VPS52: variants seen among roughly 807,000 people sequenced by gnomAD.
The protein encoded by VPS52 is VPS52 subunit of GARP complex.
In VPS52, 56 loss-of-function variants were observed where a neutral mutation model predicts 98.7. That is an observed-to-expected ratio of 0.57 (90% CI 0.46 to 0.71). VPS52 has a LOEUF of 0.71. Among genes scored for constraint, VPS52 ranks in the 30% least tolerant of loss-of-function variants. The pLI is 0.00. For synonymous variants in VPS52, 348 were observed against 346.4 expected, an observed-to-expected ratio of 1.00 and a Z score of -0.05; for missense variants, 742 against 925.9, an observed-to-expected ratio of 0.80 and a Z score of 2.58.
At chr6:33,265,682 C>T (rs1302278884) in intron 12 of VPS52, among the ~76,000 whole-genome samples, 1 of 150,824 alleles carries the variant, frequency 6.6e-6, no homozygotes, top group Non-Finnish European at 1.5e-5. Context: ...ACACCAGGAT[C>T]TATGATCACA....
chr6:33,271,823 T>C lies in VPS52; in HGVS notation c.-148A>G. ...TTGACTCCAGCTGTCCCCTTTCAGC[T>C]CTAACCACTTCACCCAACTGCAAAT... On this transcript the variant is annotated 5_prime_UTR_variant, in exon 1 of 20. Transcript: ENST00000445902. 1 of 1,433,328 alleles carries C rather than the reference T, an allele frequency of 7.0e-7. No individual in the cohort carries two copies. The highest frequency in any genetic ancestry group is 1.5e-5 in the South Asian group (1 of 67,946). The allele number at this position is 1,433,328 out of a possible 1,614,324, so 88.8% of individuals were successfully genotyped here.
chr6:33,257,720 A>C (rs567352491), intron 17 of VPS52, among the ~76,000 whole-genome samples: 1 of 152,328 alleles, frequency 6.6e-6, no homozygotes, highest in South Asian at 2.1e-4. Flanking sequence ...TAAACAGGAC[A>C]AAAATAGTCA....
intron 17 of VPS52, among the ~76,000 whole-genome samples, chr6:33,260,999 T>TAA (rs1327918772): frequency 7.0e-6 from 1 of 143,380 alleles, no homozygotes; most frequent in African/African-American, 2.6e-5. Flanking sequence ...ACTCCGTCTT[T>TAA]AAAAAAAAAA....
At chr6:33,265,073 CT>C (rs760373159) in intron 12 of VPS52, among the ~76,000 whole-genome samples, 173 bp from the exon 13 acceptor site, 2 of 151,068 alleles carry the variant, frequency 1.3e-5, no homozygotes, top group Non-Finnish European at 3.0e-5. Context: ...ATGTTTTTGG[CT>C]TTTTTTTTGT....
chr6:33,256,807 C>T (rs1763028454), intron 17 of VPS52, among the ~76,000 whole-genome samples: 4 of 145,096 alleles, frequency 2.8e-5, no homozygotes. Flanking sequence ...TGGCCCTGCA[C>T]TCCAGCCTGG....
intron 17 of VPS52, chr6:33,254,780 T>G (rs1158177409): frequency 6.6e-6 from 1 of 152,140 alleles, no homozygotes; most frequent in Admixed American, 6.5e-5. Flanking sequence ...TCAGTGATTA[T>G]CCCACCTCAG....
intron 17 of VPS52, among the ~76,000 whole-genome samples, chr6:33,257,795 G>C (rs1763168914): frequency 6.6e-6 from 1 of 152,094 alleles, no homozygotes; most frequent in Admixed American, 6.6e-5. Flanking sequence ...ATCACTTGAG[G>C]CCAGGAGTTT....
chr6:33,263,426 G>A, intron 17 of VPS52, 58 bp downstream of exon 17: 3 of 1,108,176 alleles, frequency 2.7e-6, no homozygotes. Flanking sequence ...GAGAGAGAGA[G>A]AGAGAGAGCT....
chr6:33,263,900 A>G, intron 15 of VPS52, 21 bp from the exon 16 acceptor site: 1 of 1,614,144 alleles, frequency 6.2e-7, no homozygotes, highest in Non-Finnish European at 8.5e-7. Flanking sequence ...AGAGAGGAAG[A>G]GGTGACACCA....
At chr6:33,265,369 C>A (rs560640352) in intron 12 of VPS52, among the ~76,000 whole-genome samples, 6 of 152,088 alleles carry the variant, frequency 3.9e-5, no homozygotes, top group Non-Finnish European at 8.8e-5. Flanking sequence ...AGCCACTGCA[C>A]CCGGTGTTTT....
chr6:33,271,637 T>C lies in VPS52; in HGVS notation c.39A>G (p.Glu13=). 1 of 1,611,012 alleles carries C rather than the reference T, an allele frequency of 6.2e-7. No individual in the cohort carries two copies. Among genetic ancestry groups the C allele is most frequent in the Non-Finnish European group, 8.5e-7 (1 of 1,178,358 alleles). ...CTGAGGTCCCAGCCCGCAACACCAG[T>C]TCCCGGGCCGCAGCCGCCATGGTCG... The part of the protein sequence containing the change: ...AAATMAAAAR[E]LVLRAGTSDM... The change falls in exon 1 of 20, where the codon GAA becomes GAG. Residue 13 remains glutamate (E), a synonymous_variant. Coordinates refer to ENST00000445902, the MANE Select transcript of VPS52 (RefSeq NM_022553.6).
chr6:33,271,705 A>C lies in VPS52; in HGVS notation c.-30T>G. On this transcript the variant is annotated 5_prime_UTR_variant, in exon 1 of 20. Transcript: ENST00000445902. ...CGCAGCCTCACTTCCGGCAACTGTC[A>C]GTCCCGGCGAGTCCGTTCCCCGGAG... 1 of 1,580,702 alleles carries C rather than the reference A, an allele frequency of 6.3e-7. No homozygotes were observed. Among genetic ancestry groups the C allele is most frequent in the South Asian group, 1.2e-5 (1 of 86,956 alleles).
At chr6:33,252,757 G>C (rs971042183) in intron 17 of VPS52, among the ~76,000 whole-genome samples, 1 of 152,008 alleles carries the variant, frequency 6.6e-6, no homozygotes, top group Non-Finnish European at 1.5e-5. Flanking sequence ...CTGAAGAAAG[G>C]ACTCAGAATG....
chr6:33,270,104 C>T (rs1764822644), intron 2 of VPS52, 53 bp from the exon 3 acceptor site: 2 of 1,613,480 alleles, frequency 1.2e-6, no homozygotes, highest in East Asian at 2.2e-5. Context: ...CCTCTCCCCA[C>T]ATTGAGTATC....
rs747997764 is a variant in VPS52, at chr6:33,268,530, A to C, written c.668T>G (p.Val223Gly). 6.2e-7 allele frequency: 1 copy of C among 1,611,836 alleles called. No homozygotes were observed. Among genetic ancestry groups the C allele is most frequent in the South Asian group, 1.1e-5 (1 of 91,008 alleles). The change falls in exon 7 of 20, where the codon GTC (valine) becomes GGC (glycine). Residue 223 changes from valine to glycine, a missense_variant. Transcript: ENST00000445902. The surrounding 1 kb of genome is among the most constrained non-coding windows in gnomAD (Gnocchi z 4.0). The part of the protein sequence containing the change: ...EARGTAACAD[V>G]RGVLDRLRVK... ...CCGGAGCCGATCGAGCACGCCTCTG[A>C]CATCTGCGCAGGCTGCTGTGCCTCT... is the stretch of plus-strand genomic sequence containing the variant.
In VPS52 at chr6:33,268,382, A is replaced by T; in HGVS notation, c.699+117T>A. On this transcript the variant is annotated intron_variant, in intron 7 of 19. Transcript: ENST00000445902. The surrounding 1 kb of genome is among the most constrained non-coding windows in gnomAD (Gnocchi z 4.0). Reference sequence around the variant, plus strand: ...AGACAAGAATGGGGCTGCCCAGAAAAGGCAGGGTGAAGTCCCTGGAGACAG... The same window carrying T: ...AGACAAGAATGGGGCTGCCCAGAAATGGCAGGGTGAAGTCCCTGGAGACAG... 1 of 1,408,296 alleles carries T rather than the reference A, an allele frequency of 7.1e-7. No individual in the cohort carries two copies. 87.2% of individuals were successfully genotyped at this position (1,408,296 alleles called of 1,614,324 possible).
chr6:33,269,646 G>T, intron 4 of VPS52, 89 bp from the exon 5 acceptor site: 1 of 1,570,378 alleles, frequency 6.4e-7, no homozygotes. Flanking sequence ...TGAAGTGATA[G>T]AAACCTCAGA....
chr6:33,271,242 A>G, intron 1 of VPS52: 1 of 605,632 alleles, frequency 1.7e-6, no homozygotes, highest in South Asian at 2.0e-5. Flanking sequence ...GATGGCACAG[A>G]GAAGCTGGTT....
chr6:33,251,129 G>A, intron 19 of VPS52, 142 bp from the exon 20 acceptor site: 1 of 1,198,558 alleles, frequency 8.3e-7, no homozygotes, highest in Non-Finnish European at 1.2e-6. Context: ...AGATCACGAG[G>A]TCAGGAATTC....
Sources: allele counts gnomAD v4.1 joint callset (sites outside exome capture counted in the v4.1 genomes callset), GRCh38; gene constraint gnomAD v4.1.1; non-coding constraint Gnocchi (gnomAD v3.1); transcripts MANE v1.5; gene names NCBI Gene and HGNC (gene_info 2026-07-23, HGNC 2026-07-21).